The following PATJ variants were observed in gnomAD, a reference collection of about 807,000 sequenced individuals.
PATJ encodes PATJ crumbs cell polarity complex component, also known as inaD-like protein.
A neutral mutation model predicts 224.9 loss-of-function variants in PATJ; 190 were observed. The observed-to-expected ratio is 0.84, with a 90% CI of 0.75 to 0.95. The LOEUF (loss-of-function observed/expected upper bound fraction) is 0.95, where lower values mean the gene tolerates loss of function less well. Among genes scored for constraint, PATJ ranks in the 40% least tolerant of loss-of-function variants. The pLI, the probability that PATJ is intolerant of heterozygous loss-of-function variation, is 0.00. For missense variants in PATJ, 2,121 were observed against 2,270.3 expected (o/e 0.93, Z 1.34); for synonymous variants, 769 against 820.3 (o/e 0.94, Z 1.07).
At chr1:61,967,498 C>G (rs1241511495) in intron 27 of PATJ, among the ~76,000 whole-genome samples, 4 of 152,162 alleles carry the variant, frequency 2.6e-5, no homozygotes, top group Admixed American at 1.3e-4. Flanking sequence ...ACAGTTTCAT[C>G]TTACCTTTTA....
chr1:62,032,512 A>C (rs1649527173), intron 29 of PATJ, among the ~76,000 whole-genome samples: 1 of 152,148 alleles, frequency 6.6e-6, no homozygotes, highest in Non-Finnish European at 1.5e-5. Flanking sequence ...TGGAAGTGAA[A>C]TTTGTCTGTA....
intron 13 of PATJ, among the ~76,000 whole-genome samples, chr1:61,807,571 A>C (rs113006613): frequency 0.013 from 1,937 of 152,304 alleles, 37 homozygotes; most frequent in African/African-American, 0.043. Flanking sequence ...GAGGAGACAG[A>C]ATTTGAAGTT....
chr1:62,128,622 A>T (rs1665963121), intron 40 of PATJ, among the ~76,000 whole-genome samples: 2 of 152,234 alleles, frequency 1.3e-5, no homozygotes, highest in South Asian at 4.1e-4. Context: ...GTGCCTTTTA[A>T]TAATCAAATG....
intron 33 of PATJ, among the ~76,000 whole-genome samples, chr1:62,097,313 T>TA (rs1378410590): frequency 2.6e-5 from 4 of 151,366 alleles, no homozygotes; most frequent in Non-Finnish European, 4.4e-5. Flanking sequence ...TCTCAAATTT[T>TA]AAAAAAAGGA....
At chr1:61,826,460 G>GA (rs1658285860) in intron 15 of PATJ, among the ~76,000 whole-genome samples, 1 of 152,194 alleles carries the variant, frequency 6.6e-6, no homozygotes, top group Non-Finnish European at 1.5e-5. Context: ...AGTCAGATGC[G>GA]AAAAGATTAT....
intron 24 of PATJ, among the ~76,000 whole-genome samples, chr1:61,907,792 C>T (rs770557877): frequency 1.3e-4 from 20 of 152,156 alleles, no homozygotes; most frequent in Non-Finnish European, 1.9e-4. Flanking sequence ...GGCATGTTAG[C>T]AAGTTATGTT....
At chr1:61,776,791 T>C (rs537086129) in intron 7 of PATJ, among the ~76,000 whole-genome samples, 1 of 151,934 alleles carries the variant, frequency 6.6e-6, no homozygotes, top group South Asian at 2.1e-4. Context: ...AGTGGCGTGA[T>C]CTTGGCTCAC....
At chr1:61,776,414 C>T (rs1043535576) in intron 7 of PATJ, among the ~76,000 whole-genome samples, 1 of 152,072 alleles carries the variant, frequency 6.6e-6, no homozygotes. Flanking sequence ...TGGCCACAAA[C>T]CGTTATAGTA....
At chr1:61,794,764 G>C (rs775927073) in intron 9 of PATJ, among the ~76,000 whole-genome samples, 4 of 151,980 alleles carry the variant, frequency 2.6e-5, no homozygotes, top group Non-Finnish European at 5.9e-5. Context: ...GAGGTGGGCG[G>C]ATCACCTGAG....
At chr1:61,863,037 T>TG (rs1391901865) in intron 19 of PATJ, among the ~76,000 whole-genome samples, 3 of 142,236 alleles carry the variant, frequency 2.1e-5, no homozygotes, top group African/African-American at 7.8e-5. Context: ...GTTTTTTTTT[T>TG]TTTTTTTTTT....
chr1:61,849,908 C>T (rs1489656715), intron 17 of PATJ, among the ~76,000 whole-genome samples: 2 of 152,168 alleles, frequency 1.3e-5, no homozygotes, highest in African/African-American at 2.4e-5. Context: ...TACTGCTAAG[C>T]ATATAAATGT....
chr1:62,072,523 T>G (rs1657596957), intron 31 of PATJ: 1 of 151,914 alleles, frequency 6.6e-6, no homozygotes, highest in Non-Finnish European at 1.5e-5. Context: ...GCCCAGAAGT[T>G]TGACGCTATA....
At chr1:61,908,954 A>C (rs1672228278) in intron 25 of PATJ, among the ~76,000 whole-genome samples, 1 of 152,172 alleles carries the variant, frequency 6.6e-6, no homozygotes, top group South Asian at 2.1e-4. Flanking sequence ...AAATGTAAAA[A>C]CAGCAATATT....
chr1:61,997,922 A>G (rs1168367866), intron 28 of PATJ, among the ~76,000 whole-genome samples: 2 of 141,288 alleles, frequency 1.4e-5, no homozygotes, highest in Admixed American at 7.3e-5. Context: ...GGCTCAAGTG[A>G]TCCTCCCTCC....
chr1:61,901,477 ACT>A lies in PATJ; in HGVS notation c.3381+19_3381+20del. ...TACTTGAGGTAAATGATGTTAAAGT[ACT>A]GTTTTTATTGGAAACATACGGTAAG... On this transcript the variant is annotated intron_variant, in intron 24 of 43. Transcript: ENST00000642238. 3 of 1,530,868 alleles carry A rather than the reference ACT, an allele frequency of 2.0e-6. No individual in the cohort carries two copies. Among genetic ancestry groups the A allele is most frequent in the Non-Finnish European group, 2.6e-6 (3 of 1,133,700 alleles). 94.8% of individuals were successfully genotyped at this position (1,530,868 alleles called of 1,614,324 possible). A position where few individuals can be genotyped will look rare whatever the true frequency, so the allele number is the denominator to read the frequency against.
chr1:62,022,021 G>A (rs899356628), intron 29 of PATJ, among the ~76,000 whole-genome samples: 22 of 152,068 alleles, frequency 1.4e-4, no homozygotes, highest in African/African-American at 5.3e-4. Context: ...GAAAATTTTG[G>A]CTTTTATACC....
At chr1:61,877,847 AC>A in intron 21 of PATJ, among the ~76,000 whole-genome samples, 1 of 152,184 alleles carries the variant, frequency 6.6e-6, no homozygotes, top group Middle Eastern at 3.4e-3. Flanking sequence ...TGTTTTTCTA[AC>A]CTCTGTACCC....
At chr1:61,885,982 A>T (rs1668768761) in intron 22 of PATJ, among the ~76,000 whole-genome samples, 2 of 151,780 alleles carry the variant, frequency 1.3e-5, no homozygotes, top group Non-Finnish European at 2.9e-5. Flanking sequence ...AACAATGAGA[A>T]CACATGGACA....
At chr1:61,974,815 A>G (rs1208107621) in intron 27 of PATJ, among the ~76,000 whole-genome samples, 1 of 152,022 alleles carries the variant, frequency 6.6e-6, no homozygotes, top group Non-Finnish European at 1.5e-5. Context: ...GTTTTGGATG[A>G]TATTGTTTTG....
Sources: gnomAD v4.1 joint callset for allele counts (sites outside exome capture counted in the v4.1 genomes callset) on GRCh38, gnomAD v4.1.1 for gene constraint, MANE v1.5 for transcripts, NCBI Gene and HGNC (gene_info 2026-07-23, HGNC 2026-07-21) for gene names.